ROBO2: variants seen among roughly 807,000 people sequenced by gnomAD.
ROBO2 encodes the protein roundabout homolog 2.
In ROBO2, 53 loss-of-function variants were observed where a neutral mutation model predicts 160.8. The observed-to-expected ratio is 0.33, with a 90% CI of 0.26 to 0.41. ROBO2 has a LOEUF of 0.41. ROBO2 is among the 10% of genes least tolerant of loss of function. The pLI, the probability that ROBO2 is intolerant of heterozygous loss-of-function variation, is 1.00. For synonymous variants in ROBO2, 664 were observed against 611.7 expected (o/e 1.09, Z -1.26); for missense variants, 1,577 against 1,722.4 (o/e 0.92, Z 1.49).
intron 2 of ROBO2, among the ~76,000 whole-genome samples, chr3:76,120,638 T>G (rs1007342213): frequency 6.6e-6 from 1 of 152,176 alleles, no homozygotes; most frequent in South Asian, 2.1e-4. Context: ...TTTAAAGATC[T>G]TGCCACATAT....
chr3:77,214,052 T>C (rs1354624108), intron 2 of ROBO2, among the ~76,000 whole-genome samples: 1 of 152,192 alleles, frequency 6.6e-6, no homozygotes, highest in East Asian at 1.9e-4. Context: ...GAATGTATAT[T>C]CTGTTGATTT....
chr3:77,166,897 A>G (rs1375906900), intron 2 of ROBO2, among the ~76,000 whole-genome samples: 2 of 152,172 alleles, frequency 1.3e-5, no homozygotes, highest in Non-Finnish European at 2.9e-5. Flanking sequence ...CAATTGTTTC[A>G]TAGATAGATG....
chr3:76,642,341 CTTTTTTT>C (rs71104611), intron 2 of ROBO2, among the ~76,000 whole-genome samples: 1,125 of 62,120 alleles, frequency 0.018, 8 homozygotes, highest in African/African-American at 0.078. Context: ...TTTACACTTG[CTTTTTTT>C]TTTTTTTTTT....
chr3:77,300,282 TAAGA>T (rs2062542172), intron 2 of ROBO2, among the ~76,000 whole-genome samples: 1 of 151,828 alleles, frequency 6.6e-6, no homozygotes, highest in Non-Finnish European at 1.5e-5. Flanking sequence ...AAAATTATTC[TAAGA>T]AAGAGTTATT....
At chr3:76,986,671 A>G (rs569369859) in intron 2 of ROBO2, among the ~76,000 whole-genome samples, 3 of 152,278 alleles carry the variant, frequency 2.0e-5, no homozygotes, top group African/African-American at 4.8e-5. Context: ...TGCCAACACT[A>G]GGAAAATGGA....
rs115995354 is a variant in ROBO2, at chr3:76,449,877, T to C, written c.109+512275T>C. On this transcript the variant is annotated intron_variant, in intron 2 of 26. Transcript: ENST00000487694. ...TATTGGATATTTACAACATAGTAAA[T>C]ATTCCACCTGCTCATACTTGCTGCA... Among the ~76,000 whole-genome samples the C allele has an allele frequency of 2.7e-3, 407 of 152,240 alleles. 1 individual carries two copies. Among genetic ancestry groups the C allele is most frequent in the African/African-American group, 9.6e-3 (400 of 41,554 alleles).
intron 2 of ROBO2, among the ~76,000 whole-genome samples, chr3:77,310,199 G>A (rs1313546381): frequency 6.6e-6 from 1 of 151,928 alleles, no homozygotes; most frequent in South Asian, 2.1e-4. Flanking sequence ...TTAAGAGCCC[G>A]TTTATTGCGA....
chr3:76,980,673 T>A (rs1287551620), intron 2 of ROBO2, among the ~76,000 whole-genome samples: 1 of 152,194 alleles, frequency 6.6e-6, no homozygotes, highest in Admixed American at 6.5e-5. Context: ...TTCTTGCTTT[T>A]TTTTGGTAAC....
In ROBO2 at chr3:77,217,768, G is replaced by A. The variant is rs146628018; in HGVS notation, c.388+119428G>A. Among the ~76,000 whole-genome samples the A allele has an allele frequency of 4.3e-3, 661 of 152,278 alleles. 4 individuals are homozygous for A. Among genetic ancestry groups the A allele is most frequent in the Non-Finnish European group, 7.2e-3 (491 of 68,020 alleles). On this transcript the variant is annotated intron_variant, in intron 2 of 25. Coordinates refer to ENST00000461745, the Ensembl canonical transcript of ROBO2. ...TTGAGTATGACACTCATGTGAGCTA[G>A]CTATCTAGATTAATTCTATTTTATT...
intron 2 of ROBO2, among the ~76,000 whole-genome samples, chr3:76,505,958 G>C (rs1334526346): frequency 1.3e-5 from 2 of 152,150 alleles, no homozygotes; most frequent in Non-Finnish European, 2.9e-5. Context: ...TTGGAGCTAT[G>C]ATAGTAAGTC....
At chr3:76,249,132 T>C (rs1457560970) in intron 2 of ROBO2, among the ~76,000 whole-genome samples, 1 of 152,106 alleles carries the variant, frequency 6.6e-6, no homozygotes, top group Non-Finnish European at 1.5e-5. Context: ...ATAATTATAC[T>C]TGAATTTGGT....
chr3:77,136,450 T>C (rs1037381844), intron 2 of ROBO2, among the ~76,000 whole-genome samples: 3 of 150,346 alleles, frequency 2.0e-5, no homozygotes, highest in African/African-American at 7.3e-5. Flanking sequence ...TCTTTTCCTA[T>C]ATATGAATAA....
At chr3:77,154,760 C>T (rs973113249) in intron 2 of ROBO2, among the ~76,000 whole-genome samples, 9 of 151,956 alleles carry the variant, frequency 5.9e-5, no homozygotes, top group Non-Finnish European at 1.2e-4. Context: ...TGGATCATGG[C>T]AGGAACAGAA....
intron 2 of ROBO2, among the ~76,000 whole-genome samples, chr3:76,112,200 C>A (rs2108241517): frequency 6.6e-6 from 1 of 152,110 alleles, no homozygotes; most frequent in Non-Finnish European, 1.5e-5. Flanking sequence ...TCTTAGGAGT[C>A]CTTTTTTTTC....
At chr3:76,963,762 C>A (rs1298212531) in intron 2 of ROBO2, among the ~76,000 whole-genome samples, 3 of 121,522 alleles carry the variant, frequency 2.5e-5, no homozygotes, top group East Asian at 2.4e-4. Flanking sequence ...TAGAGTGCTA[C>A]AAAATTTATA....
At chr3:76,895,375 T>C (rs947580355) in intron 2 of ROBO2, among the ~76,000 whole-genome samples, 1 of 152,086 alleles carries the variant, frequency 6.6e-6, no homozygotes, top group Non-Finnish European at 1.5e-5. Flanking sequence ...TTGTGATAGT[T>C]CACACAGAGG....
intron 2 of ROBO2, among the ~76,000 whole-genome samples, chr3:76,495,743 T>A (rs2080114604): frequency 6.6e-6 from 1 of 152,160 alleles, no homozygotes; most frequent in Non-Finnish European, 1.5e-5. Flanking sequence ...GTCTCATACG[T>A]AATGAAGAAC....
At chr3:77,230,996 G>C (rs563137152) in intron 2 of ROBO2, among the ~76,000 whole-genome samples, 9 of 152,222 alleles carry the variant, frequency 5.9e-5, no homozygotes, top group African/African-American at 2.2e-4. Context: ...TTGTGTGATT[G>C]AACATGTGCT....
At chr3:77,170,879 C>T (rs2079568363) in intron 2 of ROBO2, among the ~76,000 whole-genome samples, 1 of 151,948 alleles carries the variant, frequency 6.6e-6, no homozygotes, top group African/African-American at 2.4e-5. Context: ...TGAATAATGA[C>T]CACAAGGTGT....
Sources: allele counts gnomAD v4.1 joint callset (sites outside exome capture counted in the v4.1 genomes callset), GRCh38; gene constraint gnomAD v4.1.1; transcripts MANE v1.5; gene names NCBI Gene and HGNC (gene_info 2026-07-23, HGNC 2026-07-21).